The following KLHL32 variants were observed in gnomAD, a reference collection of about 807,000 sequenced individuals.
KLHL32 encodes kelch like family member 32.
In KLHL32, 35 loss-of-function variants were observed where a neutral mutation model predicts 64.8. The observed-to-expected ratio is 0.54, with a 90% CI of 0.41 to 0.72. The LOEUF is 0.72. Among genes scored for constraint, KLHL32 ranks in the 30% least tolerant of loss-of-function variants. The pLI is 0.00. For synonymous variants in KLHL32, 259 were observed against 281.0 expected (o/e 0.92, Z 0.78); for missense variants, 589 against 768.5 (o/e 0.77, Z 2.76).
intron 3 of KLHL32, among the ~76,000 whole-genome samples, chr6:96,998,542 C>T (rs1200187391): frequency 6.6e-6 from 1 of 152,094 alleles, no homozygotes; most frequent in Non-Finnish European, 1.5e-5. Context: ...TTACTACTGT[C>T]CTAAATAGCA....
chr6:97,087,267 C>G (rs1441021806), intron 6 of KLHL32, among the ~76,000 whole-genome samples: 24 of 152,132 alleles, frequency 1.6e-4, no homozygotes, highest in Admixed American at 1.6e-3. Flanking sequence ...AGAGAAAAAT[C>G]AAATCAGACC....
chr6:97,137,589 C>T (rs753711825), intron 10 of KLHL32, among the ~76,000 whole-genome samples: 4 of 152,068 alleles, frequency 2.6e-5, no homozygotes, highest in Non-Finnish European at 5.9e-5. Context: ...GGCTGGAGTG[C>T]AGTGGCGCGA....
intron 3 of KLHL32, chr6:97,010,218 A>G (rs903852129): frequency 8.3e-6 from 1 of 120,664 alleles, no homozygotes; most frequent in South Asian, 2.9e-4. Flanking sequence ...CAGATTATCA[A>G]TCAGTGGAAA....
At chr6:97,113,693 G>A in intron 6 of KLHL32, 90 bp from the exon 7 acceptor site, 2 of 1,437,776 alleles carry the variant, frequency 1.4e-6, no homozygotes, top group East Asian at 2.3e-5. Flanking sequence ...TACCTGCCTG[G>A]AAGAATACAG....
chr6:97,038,888 C>T (rs563802821), intron 3 of KLHL32, among the ~76,000 whole-genome samples: 4 of 151,536 alleles, frequency 2.6e-5, no homozygotes, highest in South Asian at 2.1e-4. Context: ...GTCAGGAGTT[C>T]GAGACCAGCA....
chr6:97,103,103 C>A (rs550361663), intron 6 of KLHL32, among the ~76,000 whole-genome samples: 1 of 150,254 alleles, frequency 6.7e-6, no homozygotes, highest in Non-Finnish European at 1.5e-5. Flanking sequence ...TATAAATAAA[C>A]GTATATAAAT....
intron 3 of KLHL32, among the ~76,000 whole-genome samples, chr6:97,000,782 G>A (rs539531036): frequency 6.6e-6 from 1 of 152,218 alleles, no homozygotes; most frequent in East Asian, 1.9e-4. Context: ...GTGAAGCAAC[G>A]AAGATGTTAC....
intron 10 of KLHL32, among the ~76,000 whole-genome samples, chr6:97,137,769 C>T (rs1045219442): frequency 6.6e-6 from 1 of 152,108 alleles, no homozygotes; most frequent in Non-Finnish European, 1.5e-5. Flanking sequence ...CTCCTGGGCT[C>T]GTGATCCACC....
chr6:97,018,600 CA>C (rs11319122), intron 3 of KLHL32, among the ~76,000 whole-genome samples: 32,011 of 122,052 alleles, frequency 0.26, 3,592 homozygotes, highest in African/African-American at 0.36. Flanking sequence ...GACTCAGTCT[CA>C]AAAAAAAAAA....
At chr6:97,090,990 G>C (rs577727787) in intron 6 of KLHL32, among the ~76,000 whole-genome samples, 26 of 152,372 alleles carry the variant, frequency 1.7e-4, no homozygotes, top group Non-Finnish European at 3.1e-4. Flanking sequence ...TTGGGAGGTT[G>C]AGGCAGGCTG....
chr6:97,137,412 T>C (rs1800144433), intron 10 of KLHL32, among the ~76,000 whole-genome samples: 2 of 152,242 alleles, frequency 1.3e-5, no homozygotes, highest in African/African-American at 2.4e-5. Flanking sequence ...TTGGGACATC[T>C]AATCTCCACT....
intron 1 of KLHL32, among the ~76,000 whole-genome samples, chr6:96,927,867 A>G (rs1336538349): frequency 1.3e-5 from 2 of 152,226 alleles, no homozygotes; most frequent in African/African-American, 4.8e-5. Flanking sequence ...TGCTCCTGGC[A>G]GCGTCCACTT....
intron 4 of KLHL32, among the ~76,000 whole-genome samples, chr6:97,058,592 G>T (rs926847631): frequency 1.3e-5 from 2 of 152,186 alleles, no homozygotes; most frequent in Non-Finnish European, 2.9e-5. Context: ...TTACAGCTAT[G>T]TGTAGCCACC....
chr6:96,921,721 C>T (rs913156425), upstream of KLHL32, among the ~76,000 whole-genome samples: 1 of 152,146 alleles, frequency 6.6e-6, no homozygotes, highest in African/African-American at 2.4e-5. Context: ...AGCTCTCTTT[C>T]ATGATGTAGT....
At chr6:97,122,499 T>A (rs1798466753) in intron 7 of KLHL32, among the ~76,000 whole-genome samples, 1 of 152,180 alleles carries the variant, frequency 6.6e-6, no homozygotes, top group African/African-American at 2.4e-5. Context: ...ATTATAAATG[T>A]TCCTATGGTA....
At chr6:96,999,905 A>G (rs1206087) in intron 3 of KLHL32, among the ~76,000 whole-genome samples, 13,765 of 152,240 alleles carry the variant, frequency 0.09, 687 homozygotes, top group Non-Finnish European at 0.12. Flanking sequence ...AAGGGCTCCT[A>G]AAACATCACC....
chr6:96,961,130 T>C (rs1582488617), intron 1 of KLHL32, among the ~76,000 whole-genome samples: 1 of 152,272 alleles, frequency 6.6e-6, no homozygotes, highest in Admixed American at 6.5e-5. Context: ...ATATTTGGGG[T>C]TAAAATATTT....
chr6:97,092,743 A>G (rs1379195325), intron 6 of KLHL32, among the ~76,000 whole-genome samples: 2 of 152,106 alleles, frequency 1.3e-5, no homozygotes, highest in East Asian at 3.9e-4. Flanking sequence ...GGTGCATCCC[A>G]CAGTAGCTTG....
chr6:97,103,552 A>C (rs1041849417), intron 6 of KLHL32, among the ~76,000 whole-genome samples: 2 of 152,198 alleles, frequency 1.3e-5, no homozygotes, highest in Non-Finnish European at 2.9e-5. Flanking sequence ...TGAAGCAGTC[A>C]CCTTAATAAA....
Sources: gnomAD v4.1 joint callset for allele counts (sites outside exome capture counted in the v4.1 genomes callset) on GRCh38, gnomAD v4.1.1 for gene constraint, MANE v1.5 for transcripts, NCBI Gene and HGNC (gene_info 2026-07-23, HGNC 2026-07-21) for gene names.